GTF2F1: variants seen among roughly 807,000 people sequenced by gnomAD.
GTF2F1 encodes the protein general transcription factor IIF subunit 1, also known as general transcription factor IIF 74 kDa subunit.
A neutral mutation model predicts 63.5 loss-of-function variants in GTF2F1; 39 were observed. The ratio of observed to expected loss-of-function variants is 0.61; its 90% CI spans 0.48 to 0.80. The LOEUF (loss-of-function observed/expected upper bound fraction) is 0.80. Ranked by LOEUF, GTF2F1 falls within the 30% of genes least tolerant of loss-of-function variation. The probability of loss-of-function intolerance (pLI) is 0.00; values close to 1 mark genes in which losing one functional copy is unlikely to be tolerated. For synonymous variants in GTF2F1, 287 were observed against 285.3 expected, an observed-to-expected ratio of 1.01 and a Z score of -0.06; for missense variants, 657 against 718.3, an observed-to-expected ratio of 0.91 and a Z score of 0.97.
rs3088023 is a variant in GTF2F1, at chr19:6,393,141, G to A, written c.-146C>T. Reference sequence around the variant, plus strand: ...GACCCCAACCCTAGGCGCCTCTGGCGCTGGGAAAAGGTAACCGGAAGAGGC... The same window carrying A: ...GACCCCAACCCTAGGCGCCTCTGGCACTGGGAAAAGGTAACCGGAAGAGGC... On this transcript the variant is annotated 5_prime_UTR_variant, in exon 1 of 13. Transcript: ENST00000394456. The A allele has an allele frequency of 0.22, 221,073 of 1,026,458 alleles. 36,412 individuals carry two copies. The highest frequency in any genetic ancestry group is 0.77 in the African/African-American group (47,328 of 61,450). 63.6% of individuals were successfully genotyped at this position (1,026,458 alleles called of 1,614,324 possible).
Position 6,381,130 on chromosome 19 carries a change from A to G in GTF2F1, c.1084T>C (p.Phe362Leu), listed in dbSNP as rs1308990106. ...ACCGGGCTGGGCCTTACCGCCATGA[A>G]GAGGGCTGAGGAGGCCTCGCTGTCA... ...DIDSEASSAL[F>L]MAKKKTPPKR... is the part of the protein sequence containing the mutation. Residue 362 changes from phenylalanine (F) to leucine (L), a missense_variant, in exon 10 of 13, where the codon TTC becomes CTC. By Grantham distance (22) the Phe-to-Leu change is conservative. Transcript: ENST00000394456. The surrounding 1 kb of genome is among the most constrained non-coding windows in gnomAD (Gnocchi z 4.1). The G allele has an allele frequency of 6.2e-7, 1 of 1,611,906 alleles. No homozygotes were observed. Among genetic ancestry groups the G allele is most frequent in the Non-Finnish European group, 8.5e-7 (1 of 1,179,306 alleles).
chr19:6,384,262 C>T (rs1333517512), intron 5 of GTF2F1, among the ~76,000 whole-genome samples: 1 of 151,796 alleles, frequency 6.6e-6, no homozygotes, highest in Non-Finnish European at 1.5e-5. Flanking sequence ...AATCCCAGCA[C>T]TTTGGGAGGC....
chr19:6,386,446 TTTTA>T (rs1243957752), intron 5 of GTF2F1, among the ~76,000 whole-genome samples: 3 of 151,606 alleles, frequency 2.0e-5, no homozygotes, highest in Non-Finnish European at 4.4e-5. Context: ...GAAAAAGGTG[TTTTA>T]TTTGTTTTGT....
chr19:6,387,165 G>A (rs1383067019), intron 5 of GTF2F1: 12 of 521,746 alleles, frequency 2.3e-5, no homozygotes, highest in African/African-American at 5.9e-5. Context: ...TTTGAGCTCC[G>A]GGTCACAGAC....
Position 6,391,917 on chromosome 19 carries a change from A to G in GTF2F1, c.117T>C (p.Phe39=). ...MAFNAADKVN[F]ATWNQARLER... Reference sequence around the variant, plus strand: ...AGAGACTTACCTGATTCCACGTAGCAAAGTTGACTTTGTCGGCTGCATTAA... The same window carrying G: ...AGAGACTTACCTGATTCCACGTAGCGAAGTTGACTTTGTCGGCTGCATTAA... Residue 39 remains phenylalanine (F), a synonymous_variant, in exon 3 of 13, where the codon TTT becomes TTC. Transcript: ENST00000394456. The G allele has an allele frequency of 6.3e-7, 1 of 1,582,572 alleles. No individual in the cohort carries two copies. The highest frequency in any genetic ancestry group is 8.6e-7 in the Non-Finnish European group (1 of 1,162,122).
chr19:6,391,357 T>A (rs2091996261), intron 3 of GTF2F1, among the ~76,000 whole-genome samples: 1 of 151,666 alleles, frequency 6.6e-6, no homozygotes, highest in Non-Finnish European at 1.5e-5. Flanking sequence ...AATGTTCTCC[T>A]TTAAGGAGAG....
At position 6,381,235 on chromosome 19, in the gene GTF2F1, C is replaced by A; in HGVS notation, c.1019-40G>T. 6.3e-7 allele frequency: 1 copy of A among 1,579,142 alleles called. No homozygotes were observed. Among genetic ancestry groups the A allele is most frequent in the Middle Eastern group, 1.8e-4 (1 of 5,574 alleles). On this transcript the variant is annotated intron_variant, in intron 9 of 12. Transcript: ENST00000394456. The surrounding 1 kb of genome is among the most constrained non-coding windows in gnomAD (Gnocchi z 4.1). Reference sequence around the variant, plus strand: ...AAAGGGGTCAGGGCCAGAGCAACCCCGGGACCCGGTGCCCACTGGTGCCTC... The same window carrying A: ...AAAGGGGTCAGGGCCAGAGCAACCCAGGGACCCGGTGCCCACTGGTGCCTC...
chr19:6,387,454 G>A lies in GTF2F1; in HGVS notation c.432C>T (p.Tyr144=), dbSNP rs780643383. 7.4e-6 allele frequency: 12 copies of A among 1,614,134 alleles called. No individual in the cohort carries two copies. Among genetic ancestry groups the A allele is most frequent in the East Asian group, 2.2e-5 (1 of 44,896 alleles). ...AFEAFPVHNW[Y]NFTPLARHRT... ...GATGCCGGGCCAGCGGTGTGAAATT[G>A]TACCAGTTGTGCACGGGGAAGGCCT... Residue 144 remains tyrosine (Y), a synonymous_variant, in exon 5 of 13, where the codon TAC becomes TAT. Transcript: ENST00000394456.
At chr19:6,382,799 CAAAAA>C (rs1159505037) in intron 6 of GTF2F1, among the ~76,000 whole-genome samples, 1 of 81,586 alleles carries the variant, frequency 1.2e-5, no homozygotes, top group Non-Finnish European at 2.6e-5. Context: ...GATCCTGTCT[CAAAAA>C]AAAAAAAAAA....
At chr19:6,387,289 CCT>C (rs1447061995) in intron 5 of GTF2F1, 98 bp downstream of exon 5, 47 of 1,197,006 alleles carry the variant, frequency 3.9e-5, no homozygotes, top group African/African-American at 6.0e-5. Context: ...CCTGGTTACC[CCT>C]GAGTCCCCAG....
At chr19:6,382,790 A>C (rs1599210691) in intron 6 of GTF2F1, among the ~76,000 whole-genome samples, 1 of 130,590 alleles carries the variant, frequency 7.7e-6, no homozygotes. Flanking sequence ...AGAGAGAGAG[A>C]TCCTGTCTCA....
rs372099544 is a variant in GTF2F1 at position 6,387,415 on chromosome 19, G to A, written c.471C>T (p.Ala157=). 1.2e-5 allele frequency: 20 copies of A among 1,614,066 alleles called. No individual in the cohort carries two copies. Among genetic ancestry groups the A allele is most frequent in the Admixed American group, 3.3e-5 (2 of 60,010 alleles). ...TCTCCCACTCCTCCTCGGCCTCCTC[G>A]GCAGTGAGCGTGCGATGCCGGGCCA... The part of the protein sequence containing the change: ...TPLARHRTLT[A]EEAEEEWERR... Residue 157 remains alanine, a synonymous_variant, in exon 5 of 13, where the codon GCC becomes GCT. Transcript: ENST00000394456.
At chr19:6,388,233 G>A (rs1335985466) in intron 4 of GTF2F1, among the ~76,000 whole-genome samples, 1 of 152,148 alleles carries the variant, frequency 6.6e-6, no homozygotes, top group Non-Finnish European at 1.5e-5. Context: ...CCCAGCCATG[G>A]CATGGCCAAA....
Position 6,389,704 on chromosome 19 carries a change from A to T in GTF2F1, c.133-67T>A, listed in dbSNP as rs758503062. On this transcript the variant is annotated intron_variant, in intron 3 of 12. Transcript: ENST00000394456. ...TGCTTGCGCAGTGCCCCCCTCCAGG[A>T]ACGCCCTTCCTTGCCCTAGGCCAAG... The T allele has an allele frequency of 4.1e-6, 6 of 1,457,920 alleles. No individual in the cohort carries two copies. In the Admixed American group the frequency reaches 1.0e-4, roughly 25 times the overall value. The allele number at this position is 1,457,920 out of a possible 1,614,324, so 90.3% of individuals were successfully genotyped here.
chr19:6,386,554 C>T (rs1195433625), intron 5 of GTF2F1, among the ~76,000 whole-genome samples: 1 of 151,426 alleles, frequency 6.6e-6, no homozygotes, highest in Non-Finnish European at 1.5e-5. Flanking sequence ...ACGCCATTCT[C>T]CTGCCTCAGC....
chr19:6,385,884 G>C lies in GTF2F1; in HGVS notation c.497+1505C>G, dbSNP rs552665033. On this transcript the variant is annotated intron_variant, in intron 5 of 12. Coordinates refer to ENST00000394456, the MANE Select transcript of GTF2F1 (RefSeq NM_002096.3). Reference sequence around the variant, plus strand: ...GCAGATCACGAGGTCAGGAGATCGAGACCACGGTGAAACCCCATCTGTACC... The same window carrying C: ...GCAGATCACGAGGTCAGGAGATCGACACCACGGTGAAACCCCATCTGTACC... Among the ~76,000 whole-genome samples the C allele has an allele frequency of 2.0e-5, 3 of 152,190 alleles. No homozygotes were observed. The South Asian group carries it at 6.2e-4, about 32-fold the overall frequency.
rs1568328616 is a variant in GTF2F1, at chr19:6,380,927, GC to G, written c.1207del (p.Ala403ArgfsTer12). On this transcript the variant is annotated frameshift_variant, in exon 11 of 13. Transcript: ENST00000394456. LOFTEE classifies it high-confidence loss of function. This position sits in a 1 kb window ranked among gnomAD's most constrained non-coding sequence, Gnocchi z 5.3. ...EGGSTSSTLR[A>X]AASKLEQGKR... ...ACCTTGCTCGAGTTTGCTGGCAGCC[GC>G]CCGCAGGGTGGAGGAGGTGCTGCCA... 6.4e-7 allele frequency: 1 copy of G among 1,571,786 alleles called. No individual in the cohort carries two copies. Among genetic ancestry groups the G allele is most frequent in the East Asian group, 2.3e-5 (1 of 43,348 alleles).
chr19:6,393,027 AC>A lies in GTF2F1; in HGVS notation c.-33del. The A allele has an allele frequency of 6.2e-7, 1 of 1,612,948 alleles. No homozygotes were observed. The highest frequency in any genetic ancestry group is 2.2e-5 in the East Asian group (1 of 44,876). Reference sequence around the variant, plus strand: ...TGGTCAGTGGTTCCGATCTGGTCCGACCCGGGTTCCTTTCGTCTCCTCTGGC... The same window carrying A: ...TGGTCAGTGGTTCCGATCTGGTCCGACCGGGTTCCTTTCGTCTCCTCTGGC... On this transcript the variant is annotated 5_prime_UTR_variant, in exon 1 of 13. Transcript: ENST00000394456.
Position 6,389,518 on chromosome 19 carries a change from G to T in GTF2F1, c.252C>A (p.Tyr84Ter), listed in dbSNP as rs201169675. Reference sequence around the variant, plus strand: ...GCCGGAACTCCTTGAGGACGATGCCGTACTTCTTCCTCCGAGCCTCCTCCC... The same window carrying T: ...GCCGGAACTCCTTGAGGACGATGCCTTACTTCTTCCTCCGAGCCTCCTCCC... ...KLREEARRKK[Y>*]GIVLKEFRPE... The change falls in exon 4 of 13, where the codon TAC (tyrosine) becomes TAA (stop). Residue 84 changes from tyrosine (Y) to a stop codon, truncating the protein, a stop_gained. Coordinates refer to ENST00000394456, the MANE Select transcript of GTF2F1 (RefSeq NM_002096.3). LOFTEE classifies it high-confidence loss of function. The T allele has an allele frequency of 1.2e-6, 2 of 1,614,084 alleles. No individual in the cohort carries two copies. The highest frequency in any genetic ancestry group is 1.7e-6 in the Non-Finnish European group (2 of 1,180,032).
Sources: gnomAD v4.1 joint callset for allele counts (sites outside exome capture counted in the v4.1 genomes callset) on GRCh38, gnomAD v4.1.1 for gene constraint, Gnocchi (gnomAD v3.1) non-coding constraint, MANE v1.5 for transcripts, NCBI Gene and HGNC (gene_info 2026-07-23, HGNC 2026-07-21) for gene names.